The following ULK4 variants were observed in gnomAD, a reference collection of about 807,000 sequenced individuals.
ULK4 encodes the protein inactive serine/threonine-protein kinase ULK4.
In ULK4, 133 loss-of-function variants were observed where a neutral mutation model predicts 160.6. That is an observed-to-expected ratio of 0.83 (90% CI 0.72 to 0.96). ULK4 has a LOEUF of 0.96. Among genes scored for constraint, ULK4 ranks in the 40% least tolerant of loss-of-function variants. The pLI is 0.00. For missense variants in ULK4, 1,580 were observed against 1,499.5 expected, an observed-to-expected ratio of 1.05 and a Z score of -0.89; for synonymous variants, 534 against 539.8, an observed-to-expected ratio of 0.99 and a Z score of 0.15.
chr3:41,826,410 A>T (rs984905758), intron 18 of ULK4, among the ~76,000 whole-genome samples: 1 of 151,816 alleles, frequency 6.6e-6, no homozygotes, highest in Non-Finnish European at 1.5e-5. Context: ...TATTCAGGAA[A>T]CCCATCTCAT....
chr3:41,781,944 A>T (rs1176419291), intron 21 of ULK4, among the ~76,000 whole-genome samples: 1 of 152,230 alleles, frequency 6.6e-6, no homozygotes, highest in African/African-American at 2.4e-5. Context: ...CACCTAAAAA[A>T]ACAAACAAAC....
chr3:41,402,353 C>T (rs2082199614), intron 34 of ULK4, among the ~76,000 whole-genome samples: 1 of 152,066 alleles, frequency 6.6e-6, no homozygotes, highest in Non-Finnish European at 1.5e-5. Context: ...TTATTTCTTT[C>T]CATACCCTAC....
At chr3:41,709,365 G>C (rs886079675) in intron 25 of ULK4, among the ~76,000 whole-genome samples, 2 of 152,064 alleles carry the variant, frequency 1.3e-5, no homozygotes, top group Non-Finnish European at 2.9e-5. Context: ...TAAACAAAAT[G>C]GACTTTAAAA....
intron 35 of ULK4, among the ~76,000 whole-genome samples, chr3:41,371,041 G>A (rs188967134): frequency 6.6e-6 from 1 of 152,256 alleles, no homozygotes; most frequent in East Asian, 1.9e-4. Flanking sequence ...AGTTTGAACT[G>A]GGCAGAGCCC....
At chr3:41,479,302 A>T (rs1441355449) in intron 32 of ULK4, among the ~76,000 whole-genome samples, 2 of 152,250 alleles carry the variant, frequency 1.3e-5, no homozygotes, top group Non-Finnish European at 1.5e-5. Flanking sequence ...GTTCATTTGC[A>T]ATACGCTAAG....
At chr3:41,734,927 A>G (rs550253227) in intron 22 of ULK4, among the ~76,000 whole-genome samples, 1 of 152,286 alleles carries the variant, frequency 6.6e-6, no homozygotes, top group Admixed American at 6.5e-5. Flanking sequence ...CCTCGGCAGC[A>G]CCTCAAGCCT....
At chr3:41,806,331 T>A (rs1238198970) in intron 19 of ULK4, among the ~76,000 whole-genome samples, 1 of 152,102 alleles carries the variant, frequency 6.6e-6, no homozygotes, top group Non-Finnish European at 1.5e-5. Flanking sequence ...GGTGGTGATA[T>A]CCCCTTTATC....
chr3:41,493,716 A>C (rs1045791357), intron 32 of ULK4, among the ~76,000 whole-genome samples: 1 of 151,244 alleles, frequency 6.6e-6, no homozygotes, highest in Non-Finnish European at 1.5e-5. Context: ...ATAAGAATCA[A>C]ATAGATGCAA....
intron 35 of ULK4, among the ~76,000 whole-genome samples, chr3:41,376,660 C>A: frequency 6.7e-6 from 1 of 149,530 alleles, no homozygotes; most frequent in Non-Finnish European, 1.5e-5. Flanking sequence ...AGGAATCCAA[C>A]TTACAAGGGA....
At chr3:41,612,179 G>A (rs1412556771) in intron 31 of ULK4, among the ~76,000 whole-genome samples, 1 of 152,084 alleles carries the variant, frequency 6.6e-6, no homozygotes, top group African/African-American at 2.4e-5. Flanking sequence ...TTTAGTATGA[G>A]GGTGGTTTCT....
At chr3:41,923,701 G>A (rs529595139) in intron 5 of ULK4, among the ~76,000 whole-genome samples, 1 of 152,306 alleles carries the variant, frequency 6.6e-6, no homozygotes, top group Admixed American at 6.5e-5. Context: ...GGACAGTGAA[G>A]CACAATCTTC....
intron 21 of ULK4, among the ~76,000 whole-genome samples, chr3:41,779,930 A>G (rs954748408): frequency 2.1e-5 from 2 of 95,314 alleles, no homozygotes; most frequent in Non-Finnish European, 4.5e-5. Flanking sequence ...GCACATGTAT[A>G]CATATGTAAC....
At chr3:41,687,071 C>T (rs533448933) in intron 27 of ULK4, among the ~76,000 whole-genome samples, 14 of 150,638 alleles carry the variant, frequency 9.3e-5, no homozygotes, top group East Asian at 2.0e-4. Context: ...CGACAAAAGA[C>T]TCTGTCTAAA....
intron 21 of ULK4, among the ~76,000 whole-genome samples, chr3:41,758,507 C>A (rs552592778): frequency 6.6e-6 from 1 of 152,254 alleles, no homozygotes; most frequent in Non-Finnish European, 1.5e-5. Context: ...TATATAAGCA[C>A]GTTGATCCAG....
chr3:41,558,602 G>A (rs2087402538), intron 32 of ULK4, among the ~76,000 whole-genome samples: 1 of 151,898 alleles, frequency 6.6e-6, no homozygotes, highest in African/African-American at 2.4e-5. Context: ...TACTCGGGAG[G>A]CTGAGGCAGC....
chr3:41,666,453 C>T (rs2035353427), intron 29 of ULK4, among the ~76,000 whole-genome samples: 1 of 152,188 alleles, frequency 6.6e-6, no homozygotes. Flanking sequence ...TTATAGCATA[C>T]ATCCCTAAGA....
chr3:41,918,020 T>G (rs1699033321), intron 7 of ULK4, among the ~76,000 whole-genome samples: 1 of 136,596 alleles, frequency 7.3e-6, no homozygotes, highest in African/African-American at 3.2e-5. Flanking sequence ...AATAAATAAA[T>G]AAATAAATAA....
At chr3:41,745,307 A>T (rs2038381792) in intron 22 of ULK4, among the ~76,000 whole-genome samples, 1 of 151,818 alleles carries the variant, frequency 6.6e-6, no homozygotes, top group East Asian at 1.9e-4. Context: ...CACATCATCT[A>T]TATCAGGAAT....
chr3:41,535,031 G>GAAAAATAATGTGTACC (rs2086451357), intron 32 of ULK4, among the ~76,000 whole-genome samples: 7 of 152,046 alleles, frequency 4.6e-5, no homozygotes, highest in Non-Finnish European at 1.5e-5. Context: ...AATTGGTTAA[G>GAAAAATAATGTGTACC]TCATTCTAAA....
Sources: gnomAD v4.1 joint callset for allele counts (sites outside exome capture counted in the v4.1 genomes callset) on GRCh38, gnomAD v4.1.1 for gene constraint, MANE v1.5 for transcripts, NCBI Gene and HGNC (gene_info 2026-07-23, HGNC 2026-07-21) for gene names.